The following DPYD variants were observed in gnomAD, a reference collection of about 807,000 sequenced individuals.
DPYD encodes dihydropyrimidine dehydrogenase [NADP(+)].
A neutral mutation model predicts 116.2 loss-of-function variants in DPYD; 109 were observed. That is an observed-to-expected ratio of 0.94 (90% CI 0.80 to 1.10). The LOEUF is 1.10. DPYD is among the 50% of genes least tolerant of loss of function. The pLI is 0.00. For synonymous variants in DPYD, 440 were observed against 432.0 expected (o/e 1.02, Z -0.23); for missense variants, 1,302 against 1,254.5 (o/e 1.04, Z -0.57).
At chr1:97,824,061 C>T (rs1049111622) in intron 3 of DPYD, among the ~76,000 whole-genome samples, 9 of 152,062 alleles carry the variant, frequency 5.9e-5, no homozygotes, top group African/African-American at 1.7e-4. Flanking sequence ...TTAAATAACA[C>T]GCAGAAGAAC....
intron 8 of DPYD, among the ~76,000 whole-genome samples, chr1:97,595,374 A>G (rs1346051002): frequency 1.3e-5 from 2 of 152,140 alleles, no homozygotes; most frequent in African/African-American, 4.8e-5. Context: ...CCAAGTACAC[A>G]TCGTAAATCA....
At chr1:97,765,410 G>C (rs1665793540) in intron 3 of DPYD, among the ~76,000 whole-genome samples, 3 of 152,184 alleles carry the variant, frequency 2.0e-5, no homozygotes, top group Admixed American at 2.0e-4. Flanking sequence ...CAGATCACTG[G>C]AGCTATTCAG....
At chr1:97,509,889 T>C (rs903795998) in intron 13 of DPYD, among the ~76,000 whole-genome samples, 20 of 151,880 alleles carry the variant, frequency 1.3e-4, no homozygotes, top group African/African-American at 4.6e-4. Flanking sequence ...TTAAAAAGAA[T>C]TATGGATGTG....
At chr1:97,655,029 C>G (rs1384607536) in intron 8 of DPYD, among the ~76,000 whole-genome samples, 2 of 152,164 alleles carry the variant, frequency 1.3e-5, no homozygotes, top group African/African-American at 4.8e-5. Context: ...ATTCAATTAT[C>G]TCCCACCCCG....
intron 1 of DPYD, among the ~76,000 whole-genome samples, chr1:97,894,683 A>G (rs1254235637): frequency 6.6e-6 from 1 of 151,758 alleles, no homozygotes; most frequent in Non-Finnish European, 1.5e-5. Flanking sequence ...TAACATATAT[A>G]CTTTATATAT....
intron 8 of DPYD, among the ~76,000 whole-genome samples, chr1:97,656,762 A>G (rs897605293): frequency 6.6e-6 from 1 of 152,076 alleles, no homozygotes; most frequent in African/African-American, 2.4e-5. Context: ...TTTTATAAAG[A>G]AGAATTTCCA....
chr1:97,266,510 A>T (rs1664235425), intron 18 of DPYD, among the ~76,000 whole-genome samples: 1 of 152,130 alleles, frequency 6.6e-6, no homozygotes, highest in Non-Finnish European at 1.5e-5. Context: ...GGTAATTTGT[A>T]ATGAACAGAT....
chr1:97,140,126 C>T (rs1654106753), intron 20 of DPYD, among the ~76,000 whole-genome samples: 1 of 151,778 alleles, frequency 6.6e-6, no homozygotes, highest in Admixed American at 6.6e-5. Flanking sequence ...GCAACCTGAA[C>T]ATGGACATGC....
chr1:97,554,720 C>G (rs1333429002), intron 11 of DPYD, among the ~76,000 whole-genome samples: 1 of 152,110 alleles, frequency 6.6e-6, no homozygotes, highest in Admixed American at 6.6e-5. Flanking sequence ...CTAAGAATAT[C>G]AAGTCTGGAT....
chr1:97,874,755 C>A (rs1346091478), intron 2 of DPYD, among the ~76,000 whole-genome samples: 1 of 151,822 alleles, frequency 6.6e-6, no homozygotes, highest in Non-Finnish European at 1.5e-5. Context: ...CATCTACCAA[C>A]AACATTAATA....
chr1:97,532,911 GT>G (rs535708189), intron 12 of DPYD, among the ~76,000 whole-genome samples: 139 of 128,172 alleles, frequency 1.1e-3, no homozygotes, highest in Middle Eastern at 3.9e-3. Context: ...GGGCTTAGTT[GT>G]TTTTTTTTTT....
At chr1:97,169,298 A>G (rs887275480) in intron 20 of DPYD, among the ~76,000 whole-genome samples, 12 of 152,098 alleles carry the variant, frequency 7.9e-5, no homozygotes, top group Non-Finnish European at 2.9e-5. Context: ...CATTTTCTTC[A>G]GAGTGTTCTA....
chr1:97,897,915 G>A (rs1328106696), intron 1 of DPYD, among the ~76,000 whole-genome samples: 3 of 151,792 alleles, frequency 2.0e-5, no homozygotes, highest in Non-Finnish European at 2.9e-5. Flanking sequence ...TAGACATTGT[G>A]AATTTTACCA....
intron 13 of DPYD, among the ~76,000 whole-genome samples, chr1:97,450,593 A>G (rs1408728269): frequency 6.6e-6 from 1 of 151,462 alleles, no homozygotes; most frequent in Non-Finnish European, 1.5e-5. Context: ...TAATCTAGGT[A>G]TCTCCAATCA....
chr1:97,146,542 C>A (rs1654646933), intron 20 of DPYD, among the ~76,000 whole-genome samples: 1 of 152,152 alleles, frequency 6.6e-6, no homozygotes, highest in South Asian at 2.1e-4. Flanking sequence ...TTTGTCTGTT[C>A]TGTTTTCAGC....
intron 18 of DPYD, among the ~76,000 whole-genome samples, chr1:97,286,267 T>G (rs1049330571): frequency 1.3e-5 from 2 of 152,208 alleles, no homozygotes; most frequent in Non-Finnish European, 2.9e-5. Flanking sequence ...TTCTGGCTTG[T>G]AGAGTTTCTG....
intron 18 of DPYD, among the ~76,000 whole-genome samples, chr1:97,261,917 T>G (rs553696965): frequency 6.6e-6 from 1 of 152,080 alleles, no homozygotes; most frequent in Non-Finnish European, 1.5e-5. Flanking sequence ...TGCTGTTTCT[T>G]GAAAATATCA....
chr1:97,461,551 T>C (rs949872263), intron 13 of DPYD, among the ~76,000 whole-genome samples: 1 of 152,214 alleles, frequency 6.6e-6, no homozygotes, highest in African/African-American at 2.4e-5. Flanking sequence ...AAAAAGTTTG[T>C]TTCTGCCAAG....
At chr1:97,677,001 G>A (rs374623665) in intron 8 of DPYD, among the ~76,000 whole-genome samples, 103 of 152,246 alleles carry the variant, frequency 6.8e-4, no homozygotes, top group African/African-American at 2.4e-3. Context: ...CCTCAGTGCA[G>A]AGTCAAATGG....
Sources: allele counts gnomAD v4.1 joint callset (sites outside exome capture counted in the v4.1 genomes callset), GRCh38; gene constraint gnomAD v4.1.1; transcripts MANE v1.5; gene names NCBI Gene and HGNC (gene_info 2026-07-23, HGNC 2026-07-21).